Variants in EPC2 observed in about 807,000 individuals in gnomAD.
EPC2 encodes enhancer of polycomb 2.
In EPC2, 14 loss-of-function variants were observed where a neutral mutation model predicts 92.1. That is an observed-to-expected ratio of 0.15 (90% CI 0.10 to 0.24). The LOEUF is 0.24. Ranked by LOEUF, EPC2 falls within the 10% of genes least tolerant of loss-of-function variation. The pLI is 1.00. For synonymous variants in EPC2, 340 were observed against 334.7 expected (o/e 1.02, Z -0.17); for missense variants, 755 against 971.5 (o/e 0.78, Z 2.96).
At chr2:148,657,884 T>G (rs544397169) in intron 1 of EPC2, among the ~76,000 whole-genome samples, 159 of 149,736 alleles carry the variant, frequency 1.1e-3, no homozygotes, top group African/African-American at 3.6e-3. Flanking sequence ...ATCACTCATT[T>G]TGTGTGTGTG....
chr2:148,682,927 G>A (rs1442782471), intron 1 of EPC2, among the ~76,000 whole-genome samples: 1 of 151,988 alleles, frequency 6.6e-6, no homozygotes, highest in African/African-American at 2.4e-5. Context: ...TATTTAATGT[G>A]TCTCTTTTGG....
intron 2 of EPC2, among the ~76,000 whole-genome samples, chr2:148,704,186 G>A (rs77618781): frequency 3.4e-4 from 52 of 152,282 alleles, no homozygotes; most frequent in African/African-American, 7.0e-4. Flanking sequence ...AAAATGTGGC[G>A]TGTACTTAGA....
At chr2:148,758,044 A>T (rs971370998) in intron 4 of EPC2, among the ~76,000 whole-genome samples, 5 of 152,124 alleles carry the variant, frequency 3.3e-5, no homozygotes, top group Non-Finnish European at 2.9e-5. Flanking sequence ...AGAAGGACGC[A>T]GGAGCCAGCT....
chr2:148,784,597 T>C, intron 12 of EPC2, 71 bp from the exon 13 acceptor site: 1 of 1,158,540 alleles, frequency 8.6e-7, no homozygotes, highest in African/African-American at 1.5e-5. Context: ...TCGTATTTAT[T>C]TTATTAAGCT....
intron 1 of EPC2, among the ~76,000 whole-genome samples, chr2:148,649,200 T>A (rs961245505): frequency 3.3e-5 from 5 of 152,244 alleles, no homozygotes; most frequent in African/African-American, 1.2e-4. Context: ...AAATAAACTT[T>A]TTTTGAAGTA....
intron 1 of EPC2, among the ~76,000 whole-genome samples, chr2:148,684,746 TG>T (rs1281949775): frequency 3.3e-5 from 5 of 152,202 alleles, no homozygotes; most frequent in Admixed American, 2.6e-4. Flanking sequence ...AGGTTTTCTT[TG>T]GGTTATACAG....
intron 2 of EPC2, among the ~76,000 whole-genome samples, chr2:148,713,366 G>A (rs754667194): frequency 6.6e-6 from 1 of 152,034 alleles, no homozygotes; most frequent in Non-Finnish European, 1.5e-5. Context: ...TTATAAATAA[G>A]AAAAAGCTTA....
chr2:148,689,539 T>A (rs1681602254), intron 1 of EPC2, among the ~76,000 whole-genome samples: 1 of 152,018 alleles, frequency 6.6e-6, no homozygotes, highest in South Asian at 2.1e-4. Flanking sequence ...ATGGGGTGGG[T>A]GGCATGACAC....
intron 1 of EPC2, among the ~76,000 whole-genome samples, chr2:148,675,500 A>G (rs1252236321): frequency 1.3e-5 from 2 of 151,938 alleles, no homozygotes. Flanking sequence ...ATTTTTTTAG[A>G]TTTGAGGTAT....
chr2:148,737,862 G>A (rs940491284), intron 2 of EPC2, among the ~76,000 whole-genome samples: 1 of 151,886 alleles, frequency 6.6e-6, no homozygotes, highest in African/African-American at 2.4e-5. Context: ...GAAAGTTTAC[G>A]AATCTGTGTT....
chr2:148,726,080 T>G (rs1399574567), intron 2 of EPC2, among the ~76,000 whole-genome samples: 2 of 152,206 alleles, frequency 1.3e-5, no homozygotes, highest in Admixed American at 6.5e-5. Flanking sequence ...TGTGACTGGC[T>G]TATTTCATTT....
At chr2:148,718,710 G>A (rs1199664555) in intron 2 of EPC2, among the ~76,000 whole-genome samples, 4 of 152,116 alleles carry the variant, frequency 2.6e-5, no homozygotes, top group Non-Finnish European at 4.4e-5. Context: ...TGATGATTAT[G>A]TGTTTTGGGG....
At chr2:148,686,083 T>G (rs1468765690) in intron 1 of EPC2, among the ~76,000 whole-genome samples, 1 of 152,252 alleles carries the variant, frequency 6.6e-6, no homozygotes, top group Non-Finnish European at 1.5e-5. Flanking sequence ...TGTTGTAGCA[T>G]GTGATGCTGT....
At chr2:148,770,719 T>C in intron 8 of EPC2, 73 bp from the exon 9 acceptor site, 1 of 1,441,424 alleles carries the variant, frequency 6.9e-7, no homozygotes, top group Admixed American at 2.9e-5. Context: ...TTCATGTTTA[T>C]CATGATCTAA....
chr2:148,734,632 A>G (rs1323221684), intron 2 of EPC2, among the ~76,000 whole-genome samples: 7 of 152,068 alleles, frequency 4.6e-5, no homozygotes, highest in Non-Finnish European at 1.0e-4. Flanking sequence ...GGGCAGTGTA[A>G]TATGCACAAA....
chr2:148,654,658 T>C (rs1680753909), intron 1 of EPC2, among the ~76,000 whole-genome samples: 1 of 152,168 alleles, frequency 6.6e-6, no homozygotes, highest in South Asian at 2.1e-4. Flanking sequence ...ACTGAGGCCC[T>C]GTCTCTTAGA....
At chr2:148,721,712 C>CTTTTTTTTTTTT (rs34017461) in intron 2 of EPC2, among the ~76,000 whole-genome samples, 7 of 111,528 alleles carry the variant, frequency 6.3e-5, no homozygotes, top group African/African-American at 1.4e-4. Flanking sequence ...CTGTTTTATT[C>CTTTTTTTTTTTT]TTTTTTTTTT....
intron 2 of EPC2, among the ~76,000 whole-genome samples, chr2:148,725,749 G>A (rs755207401): frequency 6.6e-6 from 1 of 151,884 alleles, no homozygotes; most frequent in Non-Finnish European, 1.5e-5. Flanking sequence ...CTCAATTTGG[G>A]TATACTTGTT....
chr2:148,680,487 T>A (rs1034784077), intron 1 of EPC2, among the ~76,000 whole-genome samples: 1 of 152,218 alleles, frequency 6.6e-6, no homozygotes, highest in Non-Finnish European at 1.5e-5. Context: ...TATTCAGCCA[T>A]CTAGTTTCGT....
Sources: allele counts gnomAD v4.1 joint callset (sites outside exome capture counted in the v4.1 genomes callset), GRCh38; gene constraint gnomAD v4.1.1; transcripts MANE v1.5; gene names NCBI Gene and HGNC (gene_info 2026-07-23, HGNC 2026-07-21).